The following NADK variants were observed in gnomAD, a reference collection of about 807,000 sequenced individuals.
The protein encoded by NADK is NAD kinase.
Under a neutral mutation model 49.8 loss-of-function variants are expected in NADK, and 22 were observed. The ratio of observed to expected loss-of-function variants is 0.44; its 90% CI spans 0.32 to 0.63. The LOEUF is 0.63. NADK is among the 30% of genes least tolerant of loss of function. The pLI is 0.06. For missense variants in NADK, 438 were observed against 609.4 expected (o/e 0.72, Z 2.96); for synonymous variants, 268 against 253.7 (o/e 1.06, Z -0.54).
rs1428983498 is a variant in NADK, at chr1:1,759,997, G to C, written c.263+1955C>G. On this transcript the variant is annotated intron_variant, in intron 3 of 11. Coordinates refer to ENST00000341426, the MANE Select transcript of NADK (RefSeq NM_023018.5). ...ACAGCAAGCACAGGATGGCGGGACAGAGCCACGGCGGGGCCGGGAGGGCAG... is the reference window on the plus strand; with the variant it reads ...ACAGCAAGCACAGGATGGCGGGACACAGCCACGGCGGGGCCGGGAGGGCAG... 2.2e-6 allele frequency: 3 copies of C among 1,360,122 alleles called. No homozygotes were observed. In the East Asian group the frequency reaches 7.5e-5, roughly 34 times the overall value. 84.3% of individuals were successfully genotyped at this position (1,360,122 alleles called of 1,614,324 possible).
At chr1:1,753,114 G>C (rs866242721) in intron 11 of NADK, 54 bp from the exon 12 acceptor site, 41 of 1,558,356 alleles carry the variant, frequency 2.6e-5, no homozygotes, top group Non-Finnish European at 3.4e-5. Flanking sequence ...GCCCACCCCC[G>C]GCCAAGAACC....
chr1:1,756,253 T>C lies in NADK; in HGVS notation c.585+5A>G. The C allele has an allele frequency of 6.2e-7, 1 of 1,613,686 alleles. No individual in the cohort carries two copies. Among genetic ancestry groups the C allele is most frequent in the Non-Finnish European group, 8.5e-7 (1 of 1,179,654 alleles). ...GGTGTGGGTCTGGAAATGTCAGCGC[T>C]TCACCTGGAAAAGCGAGGAAGCGTA... On this transcript the variant is annotated splice_donor_5th_base_variant and intron_variant, in intron 6 of 11. Transcript: ENST00000341426.
Position 1,757,129 on chromosome 1 carries a change from C to T in NADK, c.393+52G>A, listed in dbSNP as rs754012182. ...CACGGGGCGGTGATGTGGATGGAGG[C>T]CCCCCCAACTCCATGTGCACCCCAG... On this transcript the variant is annotated intron_variant, in intron 4 of 11. Coordinates refer to ENST00000341426, the MANE Select transcript of NADK (RefSeq NM_023018.5). 1.8e-4 allele frequency: 275 copies of T among 1,540,590 alleles called. No homozygotes were observed. Among genetic ancestry groups the T allele is most frequent in the Non-Finnish European group, 2.2e-4 (253 of 1,139,898 alleles).
At position 1,751,873 on chromosome 1, in the gene NADK, G is replaced by A. The variant is rs1645337676; in HGVS notation, c.*1031C>T. 1.1e-5 allele frequency: 1 copy of A among 88,774 alleles called. No individual in the cohort carries two copies. Among genetic ancestry groups the A allele is most frequent in the Non-Finnish European group, 2.8e-5 (1 of 35,524 alleles). The allele number at this position is 88,774 out of a possible 1,614,324, so 5.5% of individuals were successfully genotyped here. A position where few individuals can be genotyped will look rare whatever the true frequency, so the allele number is the denominator to read the frequency against. ...GGGCGCCGGGGTAGGCAGCATCCAC[G>A]TGCTCCACAGCTGCCGGTGCTGGGC... On this transcript the variant is annotated 3_prime_UTR_variant, in exon 12 of 12. Transcript: ENST00000341426.
intron 1 of NADK, among the ~76,000 whole-genome samples, chr1:1,771,802 A>T (rs997222304): frequency 1.2e-4 from 18 of 147,210 alleles, no homozygotes; most frequent in African/African-American, 4.2e-4. Context: ...AGCACTGGAA[A>T]TTTTTTTTTT....
chr1:1,758,316 C>G, intron 3 of NADK: 1 of 1,560,058 alleles, frequency 6.4e-7, no homozygotes, highest in Non-Finnish European at 8.7e-7. Flanking sequence ...CACAGGGCCA[C>G]AGACCTTAGC....
Position 1,754,024 on chromosome 1 carries a change from C to A in NADK, c.1101+27G>T, listed in dbSNP as rs200585125. 1 of 1,546,172 alleles carries A rather than the reference C, an allele frequency of 6.5e-7. No individual in the cohort carries two copies. The highest frequency in any genetic ancestry group is 8.7e-7 in the Non-Finnish European group (1 of 1,147,342). On this transcript the variant is annotated intron_variant, in intron 10 of 11. Coordinates refer to ENST00000341426, the MANE Select transcript of NADK (RefSeq NM_023018.5). The surrounding 1 kb of genome is among the most constrained non-coding windows in gnomAD (Gnocchi z 4.3). ...GCACGGGGTCAAATGACTCACAAACCGGAAAAGGAGTGTCGTTGGCTCTGA... is the reference window on the plus strand; with the variant it reads ...GCACGGGGTCAAATGACTCACAAACAGGAAAAGGAGTGTCGTTGGCTCTGA...
intron 1 of NADK, among the ~76,000 whole-genome samples, chr1:1,769,807 T>A (rs998802538): frequency 6.6e-6 from 1 of 151,664 alleles, no homozygotes; most frequent in Non-Finnish European, 1.5e-5. Flanking sequence ...CCAGACACGG[T>A]GGCTCACACC....
rs747294565 is a variant in NADK at position 1,754,394 on chromosome 1, G to A, written c.844-11C>T. On this transcript the variant is annotated splice_polypyrimidine_tract_variant and intron_variant, in intron 8 of 11. Coordinates refer to ENST00000341426, the MANE Select transcript of NADK (RefSeq NM_023018.5). The surrounding 1 kb of genome is among the most constrained non-coding windows in gnomAD (Gnocchi z 4.3). The stretch of plus-strand genomic sequence containing the variant: ...CACCTCATTCAGGACCTGGAGGGGC[G>A]ACAGCATTGCACACTCAGGGCGGGG... The A allele has an allele frequency of 1.1e-5, 17 of 1,612,876 alleles. No homozygotes were observed. Among genetic ancestry groups the A allele is most frequent in the Admixed American group, 1.7e-5 (1 of 60,010 alleles).
intron 6 of NADK, 72 bp downstream of exon 6, chr1:1,756,186 T>C (rs34306661): frequency 0.4 from 552,710 of 1,385,496 alleles, 114,007 homozygotes; most frequent in Middle Eastern, 0.5. Flanking sequence ...ATGGAAGCCA[T>C]GCTTGTGAGC....
chr1:1,773,676 TTGTGTGTG>T (rs57063985), intron 1 of NADK, among the ~76,000 whole-genome samples: 6,878 of 116,622 alleles, frequency 0.059, 268 homozygotes, highest in East Asian at 0.12. Flanking sequence ...AAGCTCTATT[TTGTGTGTG>T]TGTGTGTGTG....
intron 3 of NADK, among the ~76,000 whole-genome samples, chr1:1,760,401 G>C (rs76601697): frequency 1.3e-5 from 2 of 152,170 alleles, no homozygotes; most frequent in Admixed American, 6.5e-5. Context: ...CCCACACTTT[G>C]CAGAGCAGCT....
chr1:1,761,645 C>T lies in NADK; in HGVS notation c.263+307G>A, dbSNP rs942538068. ...GCCGCCACACCCACGGGCTGTGACC[C>T]GGTCTCCAGGCCCCGGCTCGCCTGC... is the stretch of plus-strand genomic sequence containing the variant. On this transcript the variant is annotated intron_variant, in intron 3 of 11. Transcript: ENST00000341426. 10 of 305,786 alleles carry T rather than the reference C, an allele frequency of 3.3e-5. 1 individual carries two copies. The highest frequency in any genetic ancestry group is 2.7e-4 in the South Asian group (6 of 22,212). The allele number at this position is 305,786 out of a possible 1,614,324, so 18.9% of individuals were successfully genotyped here.
Position 1,754,626 on chromosome 1 carries a change from G to A in NADK, c.761C>T (p.Ala254Val), listed in dbSNP as rs868560477. 2 of 1,613,900 alleles carry A rather than the reference G, an allele frequency of 1.2e-6. No homozygotes were observed. The highest frequency in any genetic ancestry group is 1.7e-6 in the Non-Finnish European group (2 of 1,179,906). ...VVKELRGKKT[A>V]VHNGLGENGS... ...GTTCTCACCCAGCCCATTGTGCACG[G>A]CCGTCTTCTTCCCCCGGAGCTCCTT... The change falls in exon 8 of 12, where the codon GCC becomes GTC. Residue 254 changes from alanine to valine, a missense_variant. Physicochemically the swap from Ala to Val is moderately conservative, Grantham distance 64. Coordinates refer to ENST00000341426, the MANE Select transcript of NADK (RefSeq NM_023018.5). This position sits in a 1 kb window ranked among gnomAD's most constrained non-coding sequence, Gnocchi z 4.3.
intron 1 of NADK, among the ~76,000 whole-genome samples, chr1:1,770,613 T>A (rs1343273943): frequency 3.3e-5 from 5 of 152,066 alleles, no homozygotes; most frequent in African/African-American, 1.2e-4. Context: ...GTGCCTGTAG[T>A]CCCAGCTACT....
At chr1:1,758,350 C>A in intron 3 of NADK, 5 of 1,592,962 alleles carry the variant, frequency 3.1e-6, no homozygotes, top group Non-Finnish European at 2.6e-6. Flanking sequence ...CCTTCGGAAG[C>A]TGGTCAGCAC....
At chr1:1,765,003 G>A (rs533242860) in intron 2 of NADK, among the ~76,000 whole-genome samples, 5 of 152,336 alleles carry the variant, frequency 3.3e-5, no homozygotes, top group South Asian at 2.1e-4. Flanking sequence ...AGAGAAACAC[G>A]GTGGCACCCT....
chr1:1,760,729 G>T (rs1557846043), intron 3 of NADK, among the ~76,000 whole-genome samples: 2 of 152,340 alleles, frequency 1.3e-5, no homozygotes, highest in East Asian at 3.9e-4. Context: ...TCTGCACAGA[G>T]GCCTGAGAGC....
At position 1,756,728 on chromosome 1, in the gene NADK, C is replaced by G. The variant is rs1422997364; in HGVS notation, c.394-120G>C. On this transcript the variant is annotated intron_variant, in intron 4 of 11. Coordinates refer to ENST00000341426, the MANE Select transcript of NADK (RefSeq NM_023018.5). ...GCATCGTGGCCTGCATGCCCGCCCC[C>G]CCACGCTCACGCTGAAACTTCATCA... 25 of 1,547,118 alleles carry G rather than the reference C, an allele frequency of 1.6e-5. No homozygotes were observed. In the East Asian group the frequency reaches 2.0e-4, roughly 13 times the overall value.
Sources: allele counts gnomAD v4.1 joint callset (sites outside exome capture counted in the v4.1 genomes callset), GRCh38; gene constraint gnomAD v4.1.1; non-coding constraint Gnocchi (gnomAD v3.1); transcripts MANE v1.5; gene names NCBI Gene and HGNC (gene_info 2026-07-23, HGNC 2026-07-21).